IPO8: variants seen among roughly 807,000 people sequenced by gnomAD.
IPO8 encodes importin-8.
IPO8 carries 65 observed loss-of-function variants against 141.2 expected under a neutral mutation model. The ratio of observed to expected loss-of-function variants is 0.46; its 90% confidence interval spans 0.38 to 0.57. The LOEUF (loss-of-function observed/expected upper bound fraction) is 0.57. Among genes scored for constraint, IPO8 ranks in the 20% least tolerant of loss-of-function variants. The pLI is 0.00. For synonymous variants in IPO8, 411 were observed against 420.3 expected (o/e 0.98, Z 0.27); for missense variants, 980 against 1,246.8 (o/e 0.79, Z 3.22).
chr12:30,694,487 C>T (rs533490108), intron 1 of IPO8, among the ~76,000 whole-genome samples: 95 of 152,160 alleles, frequency 6.2e-4, no homozygotes, highest in South Asian at 1.0e-3. Context: ...AAAGTCAATT[C>T]CAACAGAAAC....
At chr12:30,638,969 C>A (rs1172821712) in intron 21 of IPO8, among the ~76,000 whole-genome samples, 1 of 152,068 alleles carries the variant, frequency 6.6e-6, no homozygotes, top group Non-Finnish European at 1.5e-5. Flanking sequence ...CCGCGCCCGG[C>A]CTCACTCTTC....
In IPO8 at chr12:30,669,258, A is replaced by T; in HGVS notation, c.1069T>A (p.Ser357Thr). The T allele has an allele frequency of 6.3e-7, 1 of 1,582,146 alleles. No homozygotes were observed. Among genetic ancestry groups the T allele is most frequent in the Non-Finnish European group, 8.6e-7 (1 of 1,163,326 alleles). The change falls in exon 10 of 25, where the codon TCT becomes ACT. Residue 357 changes from serine (S) to threonine (T), a missense_variant. Transcript: ENST00000256079. ...IQNISEDVIF[S>T]VMCYKDEDEE... ...TCCTCATCTTTATAACACATCACAG[A>T]AAAAATCACATCTTCAGAGATATTC...
At chr12:30,669,377 G>A in intron 9 of IPO8, 95 bp from the exon 10 acceptor site, 1 of 546,634 alleles carries the variant, frequency 1.8e-6, no homozygotes, top group Non-Finnish European at 3.2e-6. Context: ...CCTTTATGAT[G>A]TTAGTTTTCC....
chr12:30,664,832 C>T (rs1002235632), intron 13 of IPO8, among the ~76,000 whole-genome samples: 14 of 152,262 alleles, frequency 9.2e-5, no homozygotes, highest in Non-Finnish European at 2.1e-4. Flanking sequence ...CTCCGCCTCC[C>T]GGGTTCAAGC....
At position 30,652,251 on chromosome 12, in the gene IPO8, T is replaced by C. The variant is rs2052737932; in HGVS notation, c.2113A>G (p.Thr705Ala). ...TTTGCATTTGATAGTAAGGTATCTG[T>C]ATCTATTGTCACATAATTATGCAGG... ...PLLHNYVTIDTDTLLSNAKHL... is the reference protein window; with the variant it reads ...PLLHNYVTIDADTLLSNAKHL... The change falls in exon 19 of 25, where the codon ACA becomes GCA. Residue 705 changes from threonine (T) to alanine (A), a missense_variant. Thr to Ala is a moderately conservative substitution (Grantham distance 58). Transcript: ENST00000256079. 4 of 1,605,792 alleles carry C rather than the reference T, an allele frequency of 2.5e-6. No homozygotes were observed. In the East Asian group the frequency reaches 8.9e-5, roughly 36 times the overall value.
rs373068708 is a variant in IPO8 at position 30,683,614 on chromosome 12, C to A, written c.323+687G>T. On this transcript the variant is annotated intron_variant, in intron 3 of 24. Transcript: ENST00000256079. Reference sequence around the variant, plus strand: ...AGAGCAGCTGCTAGTTAAATATGCACACTTTAAATGAATCAAAAGTAAATA... The same window carrying A: ...AGAGCAGCTGCTAGTTAAATATGCAAACTTTAAATGAATCAAAAGTAAATA... Among the ~76,000 whole-genome samples, 13 of 152,308 alleles carry A rather than the reference C, an allele frequency of 8.5e-5. No homozygotes were observed. In the East Asian group the frequency reaches 1.2e-3, roughly 14 times the overall value.
chr12:30,656,544 G>A lies in IPO8; in HGVS notation c.1948+140C>T, dbSNP rs181749796. On this transcript the variant is annotated intron_variant, in intron 17 of 24. Transcript: ENST00000256079. ...AATACAGATATTTAACACTAGAAAGGACATCCAAAAATTGAAGTGATTATG... is the reference window on the plus strand; with the variant it reads ...AATACAGATATTTAACACTAGAAAGAACATCCAAAAATTGAAGTGATTATG... 6.4e-4 allele frequency: 323 copies of A among 502,302 alleles called. 2 individuals are homozygous for A. The highest frequency in any genetic ancestry group is 6.1e-3 in the African/African-American group (296 of 48,804). 31.1% of individuals were successfully genotyped at this position (502,302 alleles called of 1,614,324 possible). A position where few individuals can be genotyped will look rare whatever the true frequency, so the allele number is the denominator to read the frequency against.
Position 30,684,550 on chromosome 12 carries a change from T to G in IPO8, c.167-93A>C, listed in dbSNP as rs956730301. On this transcript the variant is annotated intron_variant, in intron 2 of 24. Coordinates refer to ENST00000256079, the MANE Select transcript of IPO8 (RefSeq NM_006390.4). ...CATGAAAGTCCAAACCCTTCAATGTTAAACATGAAACCCAGCAAAAATGGA... is the reference window on the plus strand; with the variant it reads ...CATGAAAGTCCAAACCCTTCAATGTGAAACATGAAACCCAGCAAAAATGGA... 7.1e-6 allele frequency: 9 copies of G among 1,265,196 alleles called. No individual in the cohort carries two copies. In the African/African-American group the frequency reaches 1.3e-4, roughly 19 times the overall value. 78.4% of individuals were successfully genotyped at this position (1,265,196 alleles called of 1,614,324 possible). A position where few individuals can be genotyped will look rare whatever the true frequency, so the allele number is the denominator to read the frequency against.
intron 8 of IPO8, among the ~76,000 whole-genome samples, chr12:30,673,024 A>G (rs1355382966): frequency 6.6e-6 from 1 of 152,156 alleles, no homozygotes; most frequent in Non-Finnish European, 1.5e-5. Context: ...TGGGAATCCA[A>G]GTTGGGTGGA....
At chr12:30,687,342 C>T (rs953228778) in intron 2 of IPO8, among the ~76,000 whole-genome samples, 1 of 152,044 alleles carries the variant, frequency 6.6e-6, no homozygotes, top group Admixed American at 6.6e-5. Context: ...CTACAAAATC[C>T]ACTCACCATT....
intron 20 of IPO8, among the ~76,000 whole-genome samples, chr12:30,642,059 G>T (rs896254717): frequency 6.6e-6 from 1 of 152,040 alleles, no homozygotes; most frequent in Admixed American, 6.6e-5. Context: ...AGCCGGGCGT[G>T]GTGGCAGTTG....
At chr12:30,690,432 A>C in intron 2 of IPO8, 64 bp downstream of exon 2, 1 of 939,000 alleles carries the variant, frequency 1.1e-6, no homozygotes, top group Admixed American at 2.4e-5. Context: ...TGTAAAATTA[A>C]AATAAAACTC....
At chr12:30,644,019 C>A (rs2052607177) in intron 20 of IPO8, among the ~76,000 whole-genome samples, 1 of 152,176 alleles carries the variant, frequency 6.6e-6, no homozygotes, top group South Asian at 2.1e-4. Context: ...TTTATTTTCA[C>A]CTCCACTATG....
chr12:30,674,072 T>A lies in IPO8; in HGVS notation c.827A>T (p.Tyr276Phe). Residue 276 changes from tyrosine (Y) to phenylalanine (F), a missense_variant and splice_region_variant, in exon 8 of 25, where the codon TAT becomes TTT. This residue lies in a region of IPO8 where 924 missense variants were observed against 1,153.9 expected (regional missense o/e 0.80). Coordinates refer to ENST00000256079, the MANE Select transcript of IPO8 (RefSeq NM_006390.4). The part of the protein sequence containing the change: ...LHIVARLFER[Y>F]GSPGNVTKEY... ...TTTTGTGACATTTCCTGGGCTTCCA[T>A]ATCTTAAAATACAAAGAGAAAATGT... 1 of 1,551,330 alleles carries A rather than the reference T, an allele frequency of 6.4e-7. No individual in the cohort carries two copies. The highest frequency in any genetic ancestry group is 8.8e-7 in the Non-Finnish European group (1 of 1,130,168).
At chr12:30,664,793 G>A (rs1478271888) in intron 13 of IPO8, among the ~76,000 whole-genome samples, 5 of 152,000 alleles carry the variant, frequency 3.3e-5, no homozygotes, top group Admixed American at 6.5e-5. Flanking sequence ...AGGCTGGAGT[G>A]CAGTGGCACG....
At chr12:30,681,507 A>G in intron 4 of IPO8, 152 bp downstream of exon 4, 1 of 630,370 alleles carries the variant, frequency 1.6e-6, no homozygotes, top group East Asian at 3.0e-5. Context: ...CAATAACTGC[A>G]GCAAATAAAC....
chr12:30,663,028 A>ATG (rs1565501628), intron 14 of IPO8, among the ~76,000 whole-genome samples: 2 of 126,922 alleles, frequency 1.6e-5, no homozygotes, highest in Non-Finnish European at 3.2e-5. Flanking sequence ...TTTGATCAGA[A>ATG]CACTGAACAA....
rs558107406 is a variant in IPO8 at position 30,687,564 on chromosome 12, G to C, written c.166+2932C>G. Reference sequence around the variant, plus strand: ...TTTCTAAGTCTTGCTGTTTTTCATTGTAATTTTGTACCCCTTCTCTCCCTT... The same window carrying C: ...TTTCTAAGTCTTGCTGTTTTTCATTCTAATTTTGTACCCCTTCTCTCCCTT... On this transcript the variant is annotated intron_variant, in intron 2 of 24. Transcript: ENST00000256079. Among the ~76,000 whole-genome samples, 172 of 151,996 alleles carry C rather than the reference G, an allele frequency of 1.1e-3. 2 individuals are homozygous for C. Among genetic ancestry groups the C allele is most frequent in the Middle Eastern group, 3.4e-3 (1 of 294 alleles).
intron 16 of IPO8, among the ~76,000 whole-genome samples, chr12:30,658,378 G>A (rs1053294502): frequency 1.3e-5 from 2 of 152,182 alleles, no homozygotes; most frequent in African/African-American, 2.4e-5. Flanking sequence ...GGTTGGTTTT[G>A]CCTGTAATTA....
Sources: gnomAD v4.1 joint callset for allele counts (sites outside exome capture counted in the v4.1 genomes callset) on GRCh38, gnomAD v4.1.1 for gene constraint, gnomAD v4.1.1 regional missense constraint, MANE v1.5 for transcripts, NCBI Gene and HGNC (gene_info 2026-07-23, HGNC 2026-07-21) for gene names.